SMARCA2: variants seen among roughly 807,000 people sequenced by gnomAD.
SMARCA2 encodes the protein SWI/SNF-related matrix-associated actin-dependent regulator of chromatin subfamily A member 2.
A neutral mutation model predicts 199.8 loss-of-function variants in SMARCA2; 61 were observed. The ratio of observed to expected loss-of-function variants is 0.31; its 90% CI spans 0.25 to 0.38. The LOEUF (loss-of-function observed/expected upper bound fraction) is 0.38, where lower values mean the gene tolerates loss of function less well. SMARCA2 is among the 10% of genes least tolerant of loss of function. The pLI, the probability that SMARCA2 is intolerant of heterozygous loss-of-function variation, is 1.00. For synonymous variants in SMARCA2, 935 were observed against 732.0 expected, an observed-to-expected ratio of 1.28 and a Z score of -4.48; for missense variants, 1,344 against 2,012.2, an observed-to-expected ratio of 0.67 and a Z score of 6.35.
intron 8 of SMARCA2, 122 bp from the exon 9 acceptor site, chr9:2,060,694 T>C (rs1820549755): frequency 1.2e-6 from 1 of 822,594 alleles, no homozygotes; most frequent in Non-Finnish European, 1.9e-6. Flanking sequence ...ACAGCCCAAC[T>C]CATCCAGTTT....
rs1822963363 is a variant in SMARCA2 at position 2,110,892 on chromosome 9, C to G, written c.3456+475C>G. Reference sequence around the variant, plus strand: ...ATCCTAGGCAGGGTAAGTAACTTCCCCAAGGCCAAATAGTATTACAGTAGT... The same window carrying G: ...ATCCTAGGCAGGGTAAGTAACTTCCGCAAGGCCAAATAGTATTACAGTAGT... On this transcript the variant is annotated intron_variant, in intron 24 of 33. Transcript: ENST00000349721. The surrounding 1 kb of genome is among the most constrained non-coding windows in gnomAD (Gnocchi z 4.8). Among the ~76,000 whole-genome samples, 1 of 152,124 alleles carries G rather than the reference C, an allele frequency of 6.6e-6. No homozygotes were observed. The highest frequency in any genetic ancestry group is 2.1e-4 in the South Asian group (1 of 4,832).
chr9:2,095,917 A>G (rs1240617492), intron 19 of SMARCA2, among the ~76,000 whole-genome samples: 1 of 152,236 alleles, frequency 6.6e-6, no homozygotes, highest in African/African-American at 2.4e-5. Context: ...GAAATAAGGC[A>G]GATTTTATGT....
Position 2,077,758 on chromosome 9 carries a change from G to A in SMARCA2, c.2166G>A (p.Gly722=), listed in dbSNP as rs571665517. Residue 722 remains glycine (G), a synonymous_variant, in exon 14 of 34, where the codon GGG becomes GGA. Transcript: ENST00000349721. ...AACAGTCTGCCCTCCTAATTAATGG[G>A]ACCCTAAAGCATTACCAGGTAATTG... is the stretch of plus-strand genomic sequence containing the variant. The part of the protein sequence containing the change: ...VEKQSALLIN[G]TLKHYQLQGL... 19 of 1,611,954 alleles carry A rather than the reference G, an allele frequency of 1.2e-5. No individual in the cohort carries two copies. The South Asian group carries it at 1.9e-4, about 16-fold the overall frequency.
At chr9:2,116,129 A>C (rs1021288367) in intron 25 of SMARCA2, 80 bp downstream of exon 25, 18 of 1,062,232 alleles carry the variant, frequency 1.7e-5, no homozygotes, top group Non-Finnish European at 2.4e-5. Context: ...CCCTTTGTTT[A>C]AAAAACTTCC....
chr9:2,148,472 T>C (rs1824877718), intron 27 of SMARCA2, among the ~76,000 whole-genome samples: 2 of 151,304 alleles, frequency 1.3e-5, no homozygotes, highest in Admixed American at 6.6e-5. Flanking sequence ...TTTTAGGAGA[T>C]GTTTTCTTTT....
Position 2,059,595 on chromosome 9 carries a change from T to C in SMARCA2, c.1521+1131T>C, listed in dbSNP as rs113913728. On this transcript the variant is annotated intron_variant, in intron 8 of 33. Coordinates refer to ENST00000349721, the MANE Select transcript of SMARCA2 (RefSeq NM_003070.5). ...TGATTAGGCATTTGCAAATCATTAA[T>C]TTTTGCAATTAAGTGATGGAATATA... 7.5e-3 allele frequency among the ~76,000 whole-genome samples: 1,147 copies of C among 152,352 alleles called. 24 individuals carry two copies. Among genetic ancestry groups the C allele is most frequent in the African/African-American group, 0.027 (1,113 of 41,576 alleles).
At chr9:2,177,311 A>C (rs1361027886) in intron 29 of SMARCA2, among the ~76,000 whole-genome samples, 3 of 152,220 alleles carry the variant, frequency 2.0e-5, no homozygotes, top group Admixed American at 2.0e-4. Context: ...GAGTATTCTA[A>C]ATCATGACAT....
intron 5 of SMARCA2, chr9:2,047,998 G>A (rs1303197747): frequency 3.3e-5 from 5 of 152,158 alleles, no homozygotes; most frequent in Non-Finnish European, 7.3e-5. Flanking sequence ...CAGCCATTTA[G>A]CAGAATCAGG....
At chr9:2,147,267 T>C (rs1367577195) in intron 27 of SMARCA2, among the ~76,000 whole-genome samples, 1 of 136,460 alleles carries the variant, frequency 7.3e-6, no homozygotes, top group African/African-American at 2.7e-5. Flanking sequence ...AAAAGCAAGG[T>C]ACTATGACCT....
chr9:2,107,347 G>A (rs868520799), intron 23 of SMARCA2, among the ~76,000 whole-genome samples: 1 of 152,038 alleles, frequency 6.6e-6, no homozygotes, highest in Non-Finnish European at 1.5e-5. Context: ...ATTTTATTGA[G>A]ACGGAGTCTC....
chr9:2,035,173 C>G (rs1236950726), intron 3 of SMARCA2, among the ~76,000 whole-genome samples: 1 of 152,034 alleles, frequency 6.6e-6, no homozygotes, highest in African/African-American at 2.4e-5. Flanking sequence ...TCCTGAGTAG[C>G]TGGGACTACA....
chr9:2,096,860 G>C, intron 20 of SMARCA2, 96 bp downstream of exon 20: 1 of 797,682 alleles, frequency 1.3e-6, no homozygotes, highest in South Asian at 1.4e-5. Flanking sequence ...TGCTAATGCT[G>C]ATTTGTTAAA....
At position 2,192,696 on chromosome 9, in the gene SMARCA2, A is replaced by T; in HGVS notation, c.4738-8A>T. On this transcript the variant is annotated splice_region_variant and splice_polypyrimidine_tract_variant and intron_variant, in intron 33 of 33. Transcript: ENST00000349721. ...TACTTCATTTTATCTTCTTATTTTTACTTTTAGGAACAGTCAGAAGGAAGT... is the reference window on the plus strand; with the variant it reads ...TACTTCATTTTATCTTCTTATTTTTTCTTTTAGGAACAGTCAGAAGGAAGT... The T allele has an allele frequency of 7.5e-6, 12 of 1,594,096 alleles. No individual in the cohort carries two copies. Among genetic ancestry groups the T allele is most frequent in the Non-Finnish European group, 1.0e-5 (12 of 1,162,080 alleles).
chr9:2,123,773 C>T lies in SMARCA2; in HGVS notation c.3817C>T (p.Arg1273Cys). The change falls in exon 27 of 34, where the codon CGT (arginine) becomes TGT (cysteine). Residue 1273 changes from arginine (R) to cysteine (C), a missense_variant. Transcript: ENST00000349721. This position sits in a 1 kb window ranked among gnomAD's most constrained non-coding sequence, Gnocchi z 4.1. ...TGCCCGGAACCCGAAACGGAAGCCC[C>T]GTTTAATGGAGGAGGATGAGCTGCC... ...EDARNPKRKP[R>C]LMEEDELPSW... 1 of 1,613,986 alleles carries T rather than the reference C, an allele frequency of 6.2e-7. No homozygotes were observed. The highest frequency in any genetic ancestry group is 8.5e-7 in the Non-Finnish European group (1 of 1,179,996).
intron 28 of SMARCA2, among the ~76,000 whole-genome samples, chr9:2,163,930 C>T (rs1825813063): frequency 6.6e-6 from 1 of 152,094 alleles, no homozygotes; most frequent in Non-Finnish European, 1.5e-5. Context: ...ATACATAAAC[C>T]TGGAGAGATT....
rs1818400868 is a variant in SMARCA2, at chr9:2,017,368, G to C, written c.-37+1964G>C. The C allele has an allele frequency of 6.6e-6, 1 of 152,410 alleles. No homozygotes were observed. The highest frequency in any genetic ancestry group is 1.5e-5 in the Non-Finnish European group (1 of 68,280). The allele number at this position is 152,410 out of a possible 1,614,324, so 9.4% of individuals were successfully genotyped here. On this transcript the variant is annotated intron_variant, in intron 1 of 33. Transcript: ENST00000349721. This position sits in a 1 kb window ranked among gnomAD's most constrained non-coding sequence, Gnocchi z 8.8. ...CTCCAGCCTCCGCGCCCTCCCGGCC[G>C]GCGCGAGTGTGTCTGCGCGTGAGTG...
chr9:2,047,592 A>C, intron 5 of SMARCA2, 108 bp downstream of exon 5: 1 of 1,171,572 alleles, frequency 8.5e-7, no homozygotes. Context: ...TGTGATTTTC[A>C]CCCGTGCGGT....
chr9:2,103,441 A>AT (rs1011620251), intron 22 of SMARCA2, among the ~76,000 whole-genome samples: 12 of 152,324 alleles, frequency 7.9e-5, no homozygotes, highest in Admixed American at 2.0e-4. Flanking sequence ...AATAGTATTT[A>AT]TTACAGTTTG....
intron 27 of SMARCA2, among the ~76,000 whole-genome samples, chr9:2,138,347 AT>A (rs558599481): frequency 7.0e-6 from 1 of 143,368 alleles, no homozygotes; most frequent in Non-Finnish European, 1.5e-5. Flanking sequence ...ATCATGGAAA[AT>A]TGTGGATGAC....
Sources: allele counts gnomAD v4.1 joint callset (sites outside exome capture counted in the v4.1 genomes callset), GRCh38; gene constraint gnomAD v4.1.1; non-coding constraint Gnocchi (gnomAD v3.1); transcripts MANE v1.5; gene names NCBI Gene and HGNC (gene_info 2026-07-23, HGNC 2026-07-21).